The following LRBA variants were observed in gnomAD, a reference collection of about 807,000 sequenced individuals.
LRBA encodes the protein LPS responsive beige-like anchor protein.
LRBA carries 176 observed loss-of-function variants against 330.0 expected under a neutral mutation model. The ratio of observed to expected loss-of-function variants is 0.53; its 90% CI spans 0.47 to 0.60. The LOEUF (loss-of-function observed/expected upper bound fraction) is 0.60, where lower values mean the gene tolerates loss of function less well. Among genes scored for constraint, LRBA ranks in the 20% least tolerant of loss-of-function variants. The pLI is 0.00. For synonymous variants in LRBA, 1,230 were observed against 1,193.0 expected, an observed-to-expected ratio of 1.03 and a Z score of -0.64; for missense variants, 3,259 against 3,444.8, an observed-to-expected ratio of 0.95 and a Z score of 1.35.
At chr4:150,601,585 A>C (rs1238942759) in intron 37 of LRBA, among the ~76,000 whole-genome samples, 11 of 152,194 alleles carry the variant, frequency 7.2e-5, no homozygotes, top group Non-Finnish European at 4.4e-5. Flanking sequence ...ACACCAATGC[A>C]TCAGGGAACT....
intron 46 of LRBA, among the ~76,000 whole-genome samples, chr4:150,427,411 G>T (rs942356092): frequency 6.6e-6 from 1 of 151,978 alleles, no homozygotes; most frequent in Admixed American, 6.6e-5. Context: ...TTAGCACAAA[G>T]TTTCATCATT....
intron 26 of LRBA, among the ~76,000 whole-genome samples, chr4:150,846,385 C>A (rs1458685218): frequency 6.6e-6 from 1 of 151,938 alleles, no homozygotes; most frequent in South Asian, 2.1e-4. Context: ...AAAGAATTAG[C>A]CGGGTGTGGT....
Position 150,900,183 on chromosome 4 carries a change from T to C in LRBA, c.1790A>G (p.Glu597Gly), listed in dbSNP as rs1248831580. 2 of 1,613,072 alleles carry C rather than the reference T, an allele frequency of 1.2e-6. No homozygotes were observed. Among genetic ancestry groups the C allele is most frequent in the Non-Finnish European group, 1.7e-6 (2 of 1,179,372 alleles). ...ATATATGTTGACTGTACCAATGAAT[T>C]CCGTGGACAGATAAGTATAGAGCAT... ...QLMLYTYLST[E>G]FIGTVNIYNT... Residue 597 changes from glutamate to glycine, a missense_variant, in exon 14 of 57, where the codon GAA becomes GGA. Transcript: ENST00000651943.
intron 50 of LRBA, among the ~76,000 whole-genome samples, chr4:150,315,859 T>C (rs922167331): frequency 1.3e-5 from 2 of 152,302 alleles, no homozygotes; most frequent in African/African-American, 4.8e-5. Flanking sequence ...TCCTAGGCCA[T>C]AAGCTATAGC....
At chr4:150,862,989 G>GACAC (rs57854219) in intron 22 of LRBA, among the ~76,000 whole-genome samples, 290 of 148,734 alleles carry the variant, frequency 1.9e-3, no homozygotes, top group South Asian at 0.014. Context: ...ATTTAAAAAA[G>GACAC]ACACACACAC....
intron 2 of LRBA, among the ~76,000 whole-genome samples, chr4:150,979,956 C>G (rs1740654411): frequency 6.6e-6 from 1 of 152,050 alleles, no homozygotes; most frequent in Non-Finnish European, 1.5e-5. Context: ...GGAATACTTC[C>G]AAACTCATTC....
chr4:150,277,102 G>C (rs1220285917), intron 56 of LRBA, among the ~76,000 whole-genome samples: 1 of 152,164 alleles, frequency 6.6e-6, no homozygotes, highest in African/African-American at 2.4e-5. Flanking sequence ...CCATACAAAA[G>C]AATGAGTTCA....
At chr4:150,930,062 C>G (rs892204052) in intron 2 of LRBA, among the ~76,000 whole-genome samples, 7 of 152,094 alleles carry the variant, frequency 4.6e-5, no homozygotes, top group Non-Finnish European at 8.8e-5. Flanking sequence ...TGCCTGTAAT[C>G]CCAGCACTTT....
At chr4:150,675,591 G>A (rs1201141635) in intron 37 of LRBA, among the ~76,000 whole-genome samples, 1 of 152,014 alleles carries the variant, frequency 6.6e-6, no homozygotes, top group Non-Finnish European at 1.5e-5. Flanking sequence ...GGTGGCACGT[G>A]CCTGTAGTCC....
chr4:150,954,677 C>T (rs1216962840), intron 2 of LRBA, among the ~76,000 whole-genome samples: 1 of 149,482 alleles, frequency 6.7e-6, no homozygotes, highest in Non-Finnish European at 1.5e-5. Context: ...CCTTTGTTCA[C>T]ATGTTTATCT....
chr4:150,535,109 C>T (rs1247482217), intron 40 of LRBA, among the ~76,000 whole-genome samples: 5 of 151,874 alleles, frequency 3.3e-5, no homozygotes, highest in Non-Finnish European at 7.4e-5. Flanking sequence ...GAGCCTTCTC[C>T]TCTTACCTTT....
chr4:150,667,937 G>A (rs1275379252), intron 37 of LRBA, among the ~76,000 whole-genome samples: 1 of 152,200 alleles, frequency 6.6e-6, no homozygotes, highest in East Asian at 1.9e-4. Context: ...ACCCATTTCA[G>A]ACTTCTGAAC....
intron 55 of LRBA, among the ~76,000 whole-genome samples, chr4:150,278,214 G>C (rs140765125): frequency 6.6e-6 from 1 of 152,228 alleles, no homozygotes; most frequent in Non-Finnish European, 1.5e-5. Flanking sequence ...AGATTGTTTT[G>C]GCTTTGCTTT....
chr4:150,971,525 A>G (rs1189593892), intron 2 of LRBA, among the ~76,000 whole-genome samples: 1 of 152,210 alleles, frequency 6.6e-6, no homozygotes, highest in Non-Finnish European at 1.5e-5. Context: ...CAATAATTGC[A>G]AAAGGAATAT....
At chr4:150,720,991 A>T in intron 36 of LRBA, 1 of 516,878 alleles carries the variant, frequency 1.9e-6, no homozygotes, top group South Asian at 1.5e-5. Flanking sequence ...ATGGCACAGA[A>T]AGAGGGAGAT....
intron 47 of LRBA, among the ~76,000 whole-genome samples, chr4:150,370,886 CTTCT>C (rs1395364864): frequency 6.6e-6 from 1 of 152,146 alleles, no homozygotes; most frequent in Non-Finnish European, 1.5e-5. Flanking sequence ...TTTTTCTCCT[CTTCT>C]TTGTCTTCCA....
chr4:150,285,095 A>G (rs1747982877), intron 54 of LRBA, among the ~76,000 whole-genome samples: 1 of 152,240 alleles, frequency 6.6e-6, no homozygotes, highest in Non-Finnish European at 1.5e-5. Context: ...ATTTATAAAC[A>G]TAATCCTTTA....
At chr4:150,963,881 A>T (rs1417413640) in intron 2 of LRBA, among the ~76,000 whole-genome samples, 2 of 124,990 alleles carry the variant, frequency 1.6e-5, no homozygotes, top group African/African-American at 6.8e-5. Context: ...GCCGCCCATC[A>T]TCTGGGATGT....
intron 35 of LRBA, among the ~76,000 whole-genome samples, chr4:150,757,592 CTGCCCCTGGGATTAAG>C (rs1430293979): frequency 3.3e-5 from 5 of 152,088 alleles, no homozygotes; most frequent in Admixed American, 2.0e-4. Flanking sequence ...ATTATTCTTC[CTGCCCCTGGGATTAAG>C]TCTAGTAGTC....
Sources: gnomAD v4.1 joint callset for allele counts (sites outside exome capture counted in the v4.1 genomes callset) on GRCh38, gnomAD v4.1.1 for gene constraint, MANE v1.5 for transcripts, NCBI Gene and HGNC (gene_info 2026-07-23, HGNC 2026-07-21) for gene names.